The following SMARCC1 variants were observed in gnomAD, a reference collection of about 807,000 sequenced individuals.
The protein encoded by SMARCC1 is SWI/SNF complex subunit SMARCC1.
A neutral mutation model predicts 147.4 loss-of-function variants in SMARCC1; 43 were observed. The observed-to-expected ratio is 0.29, with a 90% confidence interval of 0.23 to 0.38. The LOEUF is 0.38. SMARCC1 is among the 10% of genes least tolerant of loss of function. The pLI, the probability that SMARCC1 is intolerant of heterozygous loss-of-function variation, is 1.00. For missense variants in SMARCC1, 1,119 were observed against 1,381.1 expected (o/e 0.81, Z 3.01); for synonymous variants, 495 against 484.4 (o/e 1.02, Z -0.29).
At chr3:47,730,305 C>G (rs1367146425) in intron 5 of SMARCC1, among the ~76,000 whole-genome samples, 1 of 152,158 alleles carries the variant, frequency 6.6e-6, no homozygotes, top group Non-Finnish European at 1.5e-5. Context: ...CTGGGCAACA[C>G]AGTGAGACCT....
intron 3 of SMARCC1, among the ~76,000 whole-genome samples, chr3:47,741,498 A>C (rs2034510067): frequency 6.6e-6 from 1 of 151,116 alleles, no homozygotes; most frequent in Non-Finnish European, 1.5e-5. Flanking sequence ...GCTGGAAATG[A>C]GGTCTATTCA....
intron 27 of SMARCC1, among the ~76,000 whole-genome samples, chr3:47,590,138 G>C (rs1012834015): frequency 2.6e-5 from 4 of 152,204 alleles, no homozygotes; most frequent in African/African-American, 9.7e-5. Context: ...TCCTCATTGA[G>C]CTTGCTGGAA....
At position 47,662,587 on chromosome 3, in the gene SMARCC1, C is replaced by T. The variant is rs142196313; in HGVS notation, c.1905G>A (p.Leu635=). 6.2e-7 allele frequency: 1 copy of T among 1,613,784 alleles called. No individual in the cohort carries two copies. The change falls in exon 20 of 28, where the codon CTG becomes CTA. Residue 635 remains leucine (L), a synonymous_variant. Coordinates refer to ENST00000254480, the MANE Select transcript of SMARCC1 (RefSeq NM_003074.4). ...EQETLLLLEA[L]EMYKDDWNKV... ...TGTTCCAATCATCCTTGTACATCTC[C>T]AGGGCCTAAGACAGAAAAAACAGAT...
At chr3:47,694,697 A>G (rs1020205374) in intron 11 of SMARCC1, among the ~76,000 whole-genome samples, 1 of 152,228 alleles carries the variant, frequency 6.6e-6, no homozygotes, top group Admixed American at 6.5e-5. Flanking sequence ...CATTCCTCAA[A>G]ACTTTCACAC....
At chr3:47,737,262 C>T (rs1242211075) in intron 4 of SMARCC1, among the ~76,000 whole-genome samples, 5 of 152,014 alleles carry the variant, frequency 3.3e-5, no homozygotes, top group Non-Finnish European at 7.4e-5. Flanking sequence ...GGTGTGATGG[C>T]GTGTGCCTGT....
At chr3:47,627,954 C>A (rs556310343) in intron 24 of SMARCC1, among the ~76,000 whole-genome samples, 55 of 152,238 alleles carry the variant, frequency 3.6e-4, no homozygotes, top group African/African-American at 1.3e-3. Context: ...AACTCCTGGC[C>A]TCAAGCAATC....
chr3:47,625,400 A>G (rs945209177), intron 24 of SMARCC1, among the ~76,000 whole-genome samples: 6 of 152,142 alleles, frequency 3.9e-5, no homozygotes, highest in Admixed American at 3.3e-4. Flanking sequence ...ACACCCAGTT[A>G]ACTTTTGTAT....
At chr3:47,750,144 GACTA>G (rs1267090859) in intron 2 of SMARCC1, among the ~76,000 whole-genome samples, 1 of 151,474 alleles carries the variant, frequency 6.6e-6, no homozygotes, top group Non-Finnish European at 1.5e-5. Context: ...TCTTAAAATA[GACTA>G]ATGTAGGCTG....
intron 2 of SMARCC1, among the ~76,000 whole-genome samples, chr3:47,749,913 T>A (rs2034610373): frequency 1.3e-5 from 2 of 150,666 alleles, no homozygotes; most frequent in Admixed American, 1.3e-4. Context: ...AAACCCCGTC[T>A]CTACTAAAAA....
chr3:47,622,071 C>A, intron 25 of SMARCC1, 136 bp downstream of exon 25: 2 of 782,644 alleles, frequency 2.6e-6, no homozygotes, highest in South Asian at 1.7e-5. Context: ...AAGGGCAAAT[C>A]AAACACAGAA....
intron 2 of SMARCC1, among the ~76,000 whole-genome samples, chr3:47,760,478 A>G (rs771348645): frequency 5.3e-5 from 8 of 152,158 alleles, no homozygotes; most frequent in Non-Finnish European, 1.0e-4. Flanking sequence ...CCTGGCCAAC[A>G]TGGTGAAACC....
chr3:47,744,975 A>C (rs2034550127), intron 3 of SMARCC1, among the ~76,000 whole-genome samples: 1 of 152,152 alleles, frequency 6.6e-6, no homozygotes, highest in South Asian at 2.1e-4. Context: ...TATCTCTTAA[A>C]ACTGCTATCT....
At chr3:47,727,791 A>T (rs2034317701) in intron 6 of SMARCC1, among the ~76,000 whole-genome samples, 1 of 151,806 alleles carries the variant, frequency 6.6e-6, no homozygotes, top group East Asian at 2.0e-4. Context: ...AAATTTCGCC[A>T]TATTGGTGAG....
Position 47,659,760 on chromosome 3 carries a change from A to AGC in SMARCC1, c.2320+1533_2320+1534insGC, listed in dbSNP as rs1553680845. On this transcript the variant is annotated intron_variant, in intron 21 of 27. Transcript: ENST00000254480. ...CATAAAGTCTACTAAGAAAAAAAAA[A>AGC]GGGGGGGGGGGCAAGAATCTGAGTA... is the stretch of plus-strand genomic sequence containing the variant. 4.2e-5 allele frequency among the ~76,000 whole-genome samples: 2 copies of AGC among 47,780 alleles called. 1 individual carries two copies. Among genetic ancestry groups the AGC allele is most frequent in the East Asian group, 1.4e-3 (2 of 1,386 alleles). 31.3% of individuals were successfully genotyped at this position (47,780 alleles called of 152,430 possible).
At chr3:47,607,337 TA>T (rs1233763911) in intron 26 of SMARCC1, among the ~76,000 whole-genome samples, 1 of 152,178 alleles carries the variant, frequency 6.6e-6, no homozygotes, top group Non-Finnish European at 1.5e-5. Context: ...TGTTTTTCGG[TA>T]AAGTCAATAA....
At chr3:47,767,206 A>AC (rs2034850642) in intron 2 of SMARCC1, among the ~76,000 whole-genome samples, 1 of 148,856 alleles carries the variant, frequency 6.7e-6, no homozygotes, top group South Asian at 2.1e-4. Flanking sequence ...AAAAAAAAAA[A>AC]AAAAGGTTCC....
intron 10 of SMARCC1, 23 bp downstream of exon 10, chr3:47,706,386 T>C (rs746582705): frequency 8.6e-6 from 13 of 1,511,274 alleles, no homozygotes; most frequent in Admixed American, 2.3e-5. Context: ...TTAATGCCCT[T>C]TGAATCATGT....
intron 24 of SMARCC1, among the ~76,000 whole-genome samples, chr3:47,623,757 C>T (rs2032768242): frequency 6.6e-6 from 1 of 152,110 alleles, no homozygotes; most frequent in African/African-American, 2.4e-5. Flanking sequence ...TAAGTCTCCC[C>T]CTCACTTCTG....
intron 26 of SMARCC1, among the ~76,000 whole-genome samples, chr3:47,597,177 G>C (rs969514056): frequency 3.0e-4 from 45 of 151,414 alleles, no homozygotes; most frequent in Non-Finnish European, 5.3e-4. Flanking sequence ...AAGAGAGAGA[G>C]ATGAGGTCTT....
Sources: allele counts gnomAD v4.1 joint callset (sites outside exome capture counted in the v4.1 genomes callset), GRCh38; gene constraint gnomAD v4.1.1; transcripts MANE v1.5; gene names NCBI Gene and HGNC (gene_info 2026-07-23, HGNC 2026-07-21).